Variants in TMBIM4 observed in about 807,000 individuals in gnomAD.
The protein encoded by TMBIM4 is transmembrane BAX inhibitor motif containing 4.
Under a neutral mutation model 27.7 loss-of-function variants are expected in TMBIM4, and 28 were observed. The ratio of observed to expected loss-of-function variants is 1.01; its 90% CI spans 0.75 to 1.38. The LOEUF is 1.38. TMBIM4 is among the 40% of genes most tolerant of loss of function. The pLI is 0.00. For synonymous variants in TMBIM4, 115 were observed against 113.1 expected, an observed-to-expected ratio of 1.02 and a Z score of -0.11; for missense variants, 265 against 277.5, an observed-to-expected ratio of 0.95 and a Z score of 0.32.
intron 5 of TMBIM4, among the ~76,000 whole-genome samples, chr12:66,144,917 G>A (rs2051726841): frequency 6.6e-6 from 1 of 152,050 alleles, no homozygotes; most frequent in South Asian, 2.1e-4. Context: ...TACCAGAAAA[G>A]GATTTAAGAG....
At chr12:66,141,169 TGAA>T (rs1213097513) in intron 5 of TMBIM4, among the ~76,000 whole-genome samples, 9 of 152,106 alleles carry the variant, frequency 5.9e-5, no homozygotes, top group Admixed American at 3.3e-4. Flanking sequence ...CATGAAGAGA[TGAA>T]GAAGAGTAGA....
chr12:66,166,021 AAG>A (rs1188559921), intron 1 of TMBIM4, among the ~76,000 whole-genome samples: 1 of 152,124 alleles, frequency 6.6e-6, no homozygotes, highest in African/African-American at 2.4e-5. Flanking sequence ...GTTTTTATCT[AAG>A]AGTTTTATAG....
intron 3 of TMBIM4, among the ~76,000 whole-genome samples, chr12:66,150,348 T>C (rs941224735): frequency 2.4e-4 from 37 of 152,114 alleles, no homozygotes; most frequent in Non-Finnish European, 4.1e-4. Context: ...AACAACCAAG[T>C]GTACCAATCA....
chr12:66,162,704 T>G (rs1257117510), intron 1 of TMBIM4, among the ~76,000 whole-genome samples: 1 of 152,188 alleles, frequency 6.6e-6, no homozygotes, highest in Non-Finnish European at 1.5e-5. Context: ...TCCCCAACCT[T>G]CTCTTTGTTC....
rs139881460 is a variant in TMBIM4, at chr12:66,143,987, A to G, written c.464+1854T>C. On this transcript the variant is annotated intron_variant, in intron 5 of 6. Coordinates refer to ENST00000358230, the MANE Select transcript of TMBIM4 (RefSeq NM_016056.4). ...ATTAGGATTTTGCTAGAGAGTCATT[A>G]CATGGCAATATCCAGTAACTAATAG... is the stretch of plus-strand genomic sequence containing the variant. 8.5e-5 allele frequency among the ~76,000 whole-genome samples: 13 copies of G among 152,306 alleles called. No homozygotes were observed. The East Asian group carries it at 2.5e-3, about 29-fold the overall frequency.
At chr12:66,161,838 C>A (rs34750837) in intron 1 of TMBIM4, among the ~76,000 whole-genome samples, 6,168 of 152,246 alleles carry the variant, frequency 0.041, 182 homozygotes, top group South Asian at 0.062. Context: ...GTAATCACAG[C>A]TCTTTGGGAG....
intron 1 of TMBIM4, among the ~76,000 whole-genome samples, chr12:66,162,530 C>T (rs2052059656): frequency 6.6e-6 from 1 of 152,110 alleles, no homozygotes; most frequent in South Asian, 2.1e-4. Flanking sequence ...AGTCGAGGGG[C>T]CGGGGGAAAA....
intron 1 of TMBIM4, among the ~76,000 whole-genome samples, chr12:66,156,169 A>G (rs2051932226): frequency 6.6e-6 from 1 of 152,230 alleles, no homozygotes; most frequent in Middle Eastern, 3.2e-3. Context: ...AAAAGATTCA[A>G]TATGAAAAGA....
At chr12:66,165,768 A>G (rs950760962) in intron 1 of TMBIM4, among the ~76,000 whole-genome samples, 2 of 152,116 alleles carry the variant, frequency 1.3e-5, no homozygotes, top group Non-Finnish European at 2.9e-5. Context: ...CTTCACTTTA[A>G]AATCAGGTTG....
At chr12:66,161,655 G>C (rs776713974) in intron 1 of TMBIM4, among the ~76,000 whole-genome samples, 6 of 152,142 alleles carry the variant, frequency 3.9e-5, no homozygotes, top group Non-Finnish European at 5.9e-5. Context: ...CTAGTGATAA[G>C]GACTCCTAAT....
intron 1 of TMBIM4, among the ~76,000 whole-genome samples, chr12:66,157,106 G>A (rs1231236027): frequency 1.3e-5 from 2 of 151,818 alleles, no homozygotes; most frequent in South Asian, 4.2e-4. Context: ...TTGTACCATC[G>A]CCCTTTGGAA....
intron 1 of TMBIM4, among the ~76,000 whole-genome samples, chr12:66,154,944 C>T (rs1220884002): frequency 6.6e-6 from 1 of 152,072 alleles, no homozygotes; most frequent in Non-Finnish European, 1.5e-5. Flanking sequence ...ATGATTTAAC[C>T]ACTGACTCAT....
At position 66,136,943 on chromosome 12, in the gene TMBIM4, C is replaced by T. The variant is rs1370692786; in HGVS notation, c.*1017G>A. On this transcript the variant is annotated 3_prime_UTR_variant, in exon 7 of 7. Transcript: ENST00000358230. ...AAATGAAACCATAAGACAATACTTC[C>T]CAAATATTTTAATTTTGAAATAGAT... The T allele has an allele frequency of 6.6e-6, 1 of 152,148 alleles. No homozygotes were observed. The allele number at this position is 152,148 out of a possible 1,614,324, so 9.4% of individuals were successfully genotyped here. A position where few individuals can be genotyped will look rare whatever the true frequency, so the allele number is the denominator to read the frequency against.
chr12:66,165,403 C>T (rs1020677617), intron 1 of TMBIM4, among the ~76,000 whole-genome samples: 8 of 151,120 alleles, frequency 5.3e-5, no homozygotes, highest in African/African-American at 1.9e-4. Flanking sequence ...AATAATAAAT[C>T]CTGGTATATA....
intron 2 of TMBIM4, 114 bp from the exon 3 acceptor site, chr12:66,152,490 A>T: frequency 1.7e-6 from 1 of 593,264 alleles, no homozygotes; most frequent in Non-Finnish European, 2.7e-6. Context: ...AGGGGAAAAA[A>T]TCTGGAATGA....
chr12:66,138,425 A>G (rs1270886450), intron 6 of TMBIM4: 8 of 389,180 alleles, frequency 2.1e-5, no homozygotes, highest in Non-Finnish European at 2.8e-5. Context: ...AATTATTTAA[A>G]AATATATTTC....
intron 1 of TMBIM4, chr12:66,169,181 A>C: frequency 1.5e-6 from 1 of 668,538 alleles, no homozygotes; most frequent in South Asian, 1.6e-5. Flanking sequence ...TCAAATGACC[A>C]AACTAGAGCA....
chr12:66,164,147 A>G (rs763584897), intron 1 of TMBIM4, among the ~76,000 whole-genome samples: 6 of 152,228 alleles, frequency 3.9e-5, no homozygotes, highest in African/African-American at 1.4e-4. Flanking sequence ...AAAACACTCA[A>G]TAAAGTAGGA....
intron 2 of TMBIM4, among the ~76,000 whole-genome samples, chr12:66,152,693 A>G (rs1013525081): frequency 1.3e-5 from 2 of 152,090 alleles, no homozygotes; most frequent in African/African-American, 4.8e-5. Context: ...AAATTTAAAA[A>G]TAACAACTAC....
Sources: gnomAD v4.1 joint callset for allele counts (sites outside exome capture counted in the v4.1 genomes callset) on GRCh38, gnomAD v4.1.1 for gene constraint, MANE v1.5 for transcripts, NCBI Gene and HGNC (gene_info 2026-07-23, HGNC 2026-07-21) for gene names.